Variants in TSC22D2 observed in about 807,000 individuals in gnomAD.
The protein encoded by TSC22D2 is TSC22 domain family member 2, also known as TSC22 domain family protein 2.
A neutral mutation model predicts 50.1 loss-of-function variants in TSC22D2; 5 were observed. The observed-to-expected ratio is 0.10, with a 90% CI of 0.05 to 0.21. The LOEUF (loss-of-function observed/expected upper bound fraction) is 0.21. Among genes scored for constraint, TSC22D2 ranks in the 10% least tolerant of loss-of-function variants. The pLI is 1.00. For missense variants in TSC22D2, 1,003 were observed against 1,015.5 expected, an observed-to-expected ratio of 0.99 and a Z score of 0.17; for synonymous variants, 501 against 450.1, an observed-to-expected ratio of 1.11 and a Z score of -1.43.
At chr3:150,457,226 A>G in intron 2 of TSC22D2, 99 bp downstream of exon 2, 1 of 1,066,826 alleles carries the variant, frequency 9.4e-7, no homozygotes, top group Non-Finnish European at 1.4e-6. Flanking sequence ...TATTTAAACC[A>G]AAGATGACCA....
chr3:150,418,287 A>T (rs377592549), intron 1 of TSC22D2, among the ~76,000 whole-genome samples: 1 of 151,850 alleles, frequency 6.6e-6, no homozygotes, highest in African/African-American at 2.4e-5. Flanking sequence ...TGATGATCAG[A>T]TGTATACTTT....
At chr3:150,442,323 T>C (rs1720744984) in intron 1 of TSC22D2, among the ~76,000 whole-genome samples, 1 of 152,364 alleles carries the variant, frequency 6.6e-6, no homozygotes, top group Admixed American at 6.5e-5. Flanking sequence ...TCTGGAATTA[T>C]GTTTATTTGA....
At position 150,411,229 on chromosome 3, in the gene TSC22D2, C is replaced by CTTT. The variant is rs1560078372; in HGVS notation, c.1879_1880insTTT (p.Pro627delinsLeuSer). The CTTT allele has an allele frequency of 1.2e-6, 2 of 1,614,146 alleles. No individual in the cohort carries two copies. The highest frequency in any genetic ancestry group is 1.7e-6 in the Non-Finnish European group (2 of 1,180,018). On this transcript the variant is annotated protein_altering_variant, in exon 1 of 3. Coordinates refer to ENST00000688009, the MANE Select transcript of TSC22D2 (RefSeq NM_001303264.2). Reference sequence around the variant, plus strand: ...GCCTGTTGCAGATTCCCTGGCAAACCCCCTTCAGTTAACACCTATGAACAG... The same window carrying CTTT: ...GCCTGTTGCAGATTCCCTGGCAAACCTTTCCCTTCAGTTAACACCTATGAACAG...
chr3:150,412,069 TTAA>T (rs1719595880), intron 1 of TSC22D2, among the ~76,000 whole-genome samples: 1 of 152,188 alleles, frequency 6.6e-6, no homozygotes, highest in African/African-American at 2.4e-5. Context: ...AGTGTAAATG[TTAA>T]TAATTGGCTC....
At chr3:150,457,693 T>G (rs1721232114) in intron 2 of TSC22D2, among the ~76,000 whole-genome samples, 1 of 152,192 alleles carries the variant, frequency 6.6e-6, no homozygotes, top group Admixed American at 6.5e-5. Flanking sequence ...TGAAGTACAG[T>G]GGCATGATTT....
chr3:150,435,468 C>G (rs1239735840), intron 1 of TSC22D2, among the ~76,000 whole-genome samples: 2 of 152,068 alleles, frequency 1.3e-5, no homozygotes, highest in East Asian at 3.9e-4. Context: ...CTGTTTCCCC[C>G]CTTTCTCCAT....
rs1386157783 is a variant in TSC22D2, at chr3:150,460,102, A to G, written c.*1466A>G. 1 of 152,150 alleles carries G rather than the reference A, an allele frequency of 6.6e-6. No individual in the cohort carries two copies. The highest frequency in any genetic ancestry group is 2.4e-5 in the African/African-American group (1 of 41,438). The allele number at this position is 152,150 out of a possible 1,614,324, so 9.4% of individuals were successfully genotyped here. On this transcript the variant is annotated 3_prime_UTR_variant, in exon 3 of 3. Coordinates refer to ENST00000688009, the MANE Select transcript of TSC22D2 (RefSeq NM_001303264.2). ...ATATTTTAACATTTTCTGAAATTAA[A>G]CTGCAGTTTTGTTGAAATATTTGGC... is the stretch of plus-strand genomic sequence containing the variant.
intron 1 of TSC22D2, among the ~76,000 whole-genome samples, chr3:150,456,174 C>CTTTTTTTTTTTTTTTTTTTTTTT (rs1559852067): frequency 8.1e-6 from 1 of 123,560 alleles, no homozygotes; most frequent in African/African-American, 3.1e-5. Context: ...AATGTTGTTT[C>CTTTTTTTTTTTTTTTTTTTTTTT]TTTTTGTTTT....
At chr3:150,426,614 C>T (rs1720200629) in intron 1 of TSC22D2, among the ~76,000 whole-genome samples, 1 of 152,154 alleles carries the variant, frequency 6.6e-6, no homozygotes, top group Non-Finnish European at 1.5e-5. Flanking sequence ...TCGATAAGCA[C>T]TTGCAGGGCT....
intron 1 of TSC22D2, among the ~76,000 whole-genome samples, chr3:150,441,948 T>C (rs182662135): frequency 5.3e-4 from 81 of 152,286 alleles, no homozygotes; most frequent in African/African-American, 1.9e-3. Flanking sequence ...TTACCTGATC[T>C]CTCATAGCTG....
chr3:150,442,071 G>A (rs1720733855), intron 1 of TSC22D2, among the ~76,000 whole-genome samples: 1 of 152,158 alleles, frequency 6.6e-6, no homozygotes, highest in Admixed American at 6.5e-5. Flanking sequence ...ACAACCTTCT[G>A]ACTAGTCCTT....
At chr3:150,441,992 C>G (rs9784281) in intron 1 of TSC22D2, among the ~76,000 whole-genome samples, 88,555 of 152,002 alleles carry the variant, frequency 0.58, 26,216 homozygotes, top group Non-Finnish European at 0.64. Context: ...TCTGCCTCCT[C>G]AGTGTTTTGC....
Position 150,410,470 on chromosome 3 carries a change from C to T in TSC22D2, c.1120C>T (p.Pro374Ser), listed in dbSNP as rs1320101961. ...IPPGHLLPVQ[P>S]SGQSEYLQQH... ...GCCCGGACATTTGCTGCCCGTCCAG[C>T]CCTCCGGCCAGAGTGAGTACCTGCA... Residue 374 changes from proline (P) to serine (S), a missense_variant, in exon 1 of 3, where the codon CCC becomes TCC. Physicochemically the swap from Pro to Ser is moderately conservative, Grantham distance 74. Around this residue, in one of 6 missense-constraint regions of TSC22D2, gnomAD observed 696 missense variants for 647.8 expected, o/e 1.07. Transcript: ENST00000688009. 6 of 1,608,314 alleles carry T rather than the reference C, an allele frequency of 3.7e-6. No individual in the cohort carries two copies. The Admixed American group carries it at 5.0e-5, about 13-fold the overall frequency.
intron 1 of TSC22D2, among the ~76,000 whole-genome samples, chr3:150,423,691 A>G (rs1040085730): frequency 6.6e-6 from 1 of 152,188 alleles, no homozygotes; most frequent in Non-Finnish European, 1.5e-5. Flanking sequence ...TTTTACTGTT[A>G]ACTTTTAAAA....
At position 150,409,596 on chromosome 3, in the gene TSC22D2, G is replaced by A. The variant is rs1719421514; in HGVS notation, c.246G>A (p.Gly82=). The A allele has an allele frequency of 1.9e-6, 3 of 1,602,822 alleles. No homozygotes were observed. Among genetic ancestry groups the A allele is most frequent in the Non-Finnish European group, 2.6e-6 (3 of 1,171,868 alleles). Residue 82 remains glycine, a synonymous_variant, in exon 1 of 3, where the codon GGG becomes GGA. Coordinates refer to ENST00000688009, the MANE Select transcript of TSC22D2 (RefSeq NM_001303264.2). The surrounding 1 kb of genome is among the most constrained non-coding windows in gnomAD (Gnocchi z 7.4). The part of the protein sequence containing the change: ...LNNVGDAETP[G]TVSPNLLLDG... ...ATGTTGGGGATGCGGAGACTCCCGG[G>A]ACCGTCTCCCCAAACCTCCTCCTAG...
chr3:150,413,562 T>G (rs1039058799), intron 1 of TSC22D2, among the ~76,000 whole-genome samples: 71 of 104,460 alleles, frequency 6.8e-4, no homozygotes, highest in African/African-American at 2.1e-3. Context: ...TTGTTTTGTG[T>G]TTTTTTTTTT....
chr3:150,420,448 A>G (rs1357524656), intron 1 of TSC22D2, among the ~76,000 whole-genome samples: 2 of 152,224 alleles, frequency 1.3e-5, no homozygotes, highest in Admixed American at 6.5e-5. Context: ...TACTATAGAA[A>G]ACCATGTACT....
At chr3:150,458,342 A>G in intron 2 of TSC22D2, 34 bp from the exon 3 acceptor site, 2 of 1,591,872 alleles carry the variant, frequency 1.3e-6, no homozygotes, top group Admixed American at 1.7e-5. Context: ...TTATCTTTTC[A>G]CTCTTTTGAC....
intron 1 of TSC22D2, among the ~76,000 whole-genome samples, chr3:150,431,326 A>G (rs1399478399): frequency 1.3e-5 from 2 of 151,408 alleles, no homozygotes; most frequent in Non-Finnish European, 2.9e-5. Flanking sequence ...TTATTCTCTT[A>G]CCAACAATAT....
Sources: gnomAD v4.1 joint callset for allele counts (sites outside exome capture counted in the v4.1 genomes callset) on GRCh38, gnomAD v4.1.1 for gene constraint, gnomAD v4.1.1 regional missense constraint, Gnocchi (gnomAD v3.1) non-coding constraint, MANE v1.5 for transcripts, NCBI Gene and HGNC (gene_info 2026-07-23, HGNC 2026-07-21) for gene names.